Variants in C2orf42 observed in about 807,000 individuals in gnomAD.
The protein encoded by C2orf42 is uncharacterized protein C2orf42.
A neutral mutation model predicts 58.9 loss-of-function variants in C2orf42; 44 were observed. The ratio of observed to expected loss-of-function variants is 0.75; its 90% CI spans 0.59 to 0.96. The LOEUF (loss-of-function observed/expected upper bound fraction) is 0.96. C2orf42 is among the 40% of genes least tolerant of loss of function. The pLI is 0.00. For synonymous variants in C2orf42, 239 were observed against 265.4 expected (o/e 0.90, Z 0.97); for missense variants, 630 against 699.2 (o/e 0.90, Z 1.12).
At chr2:70,168,624 G>T (rs897679661) in intron 6 of C2orf42, among the ~76,000 whole-genome samples, 5 of 151,226 alleles carry the variant, frequency 3.3e-5, no homozygotes, top group African/African-American at 1.2e-4. Context: ...AGCAGAGACT[G>T]GCTAGATCTG....
chr2:70,169,245 C>T (rs1673624897), intron 6 of C2orf42, among the ~76,000 whole-genome samples: 1 of 125,416 alleles, frequency 8.0e-6, no homozygotes, highest in African/African-American at 3.8e-5. Flanking sequence ...GTATCTCCCT[C>T]ACCACACACA....
Position 70,150,467 on chromosome 2 carries a change from C to A in C2orf42, c.1614G>T (p.Lys538Asn), listed in dbSNP as rs769869234. 1 of 1,614,168 alleles carries A rather than the reference C, an allele frequency of 6.2e-7. No homozygotes were observed. Among genetic ancestry groups the A allele is most frequent in the South Asian group, 1.1e-5 (1 of 91,082 alleles). The change falls in exon 10 of 10, where the codon AAG (lysine) becomes AAT (asparagine). Residue 538 changes from lysine to asparagine, a missense_variant. By Grantham distance (94) the Lys-to-Asn change is moderately conservative. Coordinates refer to ENST00000264434, the MANE Select transcript of C2orf42 (RefSeq NM_017880.3). ...PQSKIGELRI[K>N]FEYGHHRNGH... ...CATTCCGGTGGTGGCCATACTCAAACTTGATCCGCAGCTCGCCAATCTTAG... is the reference window on the plus strand; with the variant it reads ...CATTCCGGTGGTGGCCATACTCAAAATTGATCCGCAGCTCGCCAATCTTAG...
intron 1 of C2orf42, among the ~76,000 whole-genome samples, chr2:70,189,445 C>T (rs1363676918): frequency 7.1e-6 from 1 of 140,810 alleles, no homozygotes. Flanking sequence ...GGGCCGGGCG[C>T]GGTGGCTCAC....
chr2:70,179,278 A>T (rs10192774), intron 4 of C2orf42, among the ~76,000 whole-genome samples: 2,310 of 152,100 alleles, frequency 0.015, 45 homozygotes, highest in African/African-American at 0.053. Context: ...CAAAAACATA[A>T]TATTTCTTGG....
chr2:70,172,868 A>T (rs1371489642), intron 5 of C2orf42, among the ~76,000 whole-genome samples: 3 of 151,988 alleles, frequency 2.0e-5, no homozygotes, highest in Non-Finnish European at 4.4e-5. Flanking sequence ...GTGACAAAAA[A>T]TTATTAAAAA....
intron 8 of C2orf42, among the ~76,000 whole-genome samples, chr2:70,162,920 T>C (rs1014771404): frequency 6.6e-6 from 1 of 152,100 alleles, no homozygotes; most frequent in Non-Finnish European, 1.5e-5. Flanking sequence ...CAGGCTGGAG[T>C]GCAATGGCGC....
intron 4 of C2orf42, among the ~76,000 whole-genome samples, chr2:70,176,539 G>C: frequency 6.6e-6 from 1 of 151,962 alleles, no homozygotes; most frequent in East Asian, 1.9e-4. Flanking sequence ...TGAAATTCAA[G>C]TTTAACTGAG....
Position 70,160,714 on chromosome 2 carries a change from A to C in C2orf42, c.1427T>G (p.Val476Gly). ...GTYELFKCPKVEVESIAETYG... is the reference protein window; with the variant it reads ...GTYELFKCPKGEVESIAETYG... Reference sequence around the variant, plus strand: ...GGTTTCTGCTATGCTTTCTACTTCCACTTTAGGGCATTTAAATAGCTCATA... The same window carrying C: ...GGTTTCTGCTATGCTTTCTACTTCCCCTTTAGGGCATTTAAATAGCTCATA... The change falls in exon 9 of 10, where the codon GTG becomes GGG. Residue 476 changes from valine (V) to glycine (G), a missense_variant. Physicochemically the swap from Val to Gly is moderately radical, Grantham distance 109. Coordinates refer to ENST00000264434, the MANE Select transcript of C2orf42 (RefSeq NM_017880.3). 6.2e-7 allele frequency: 1 copy of C among 1,612,730 alleles called. No individual in the cohort carries two copies. Among genetic ancestry groups the C allele is most frequent in the Non-Finnish European group, 8.5e-7 (1 of 1,179,208 alleles).
intron 4 of C2orf42, among the ~76,000 whole-genome samples, chr2:70,178,207 G>A (rs899296206): frequency 3.9e-5 from 6 of 152,136 alleles, no homozygotes; most frequent in African/African-American, 7.2e-5. Context: ...TTTTCATTTT[G>A]TTTAGACTCT....
chr2:70,188,325 T>C lies in C2orf42; in HGVS notation c.-282+2648A>G, dbSNP rs188164033. ...GCCTCAGCCTCCTGAGTAGCTGGGA[T>C]TACAGGCGTCCACCACCAAGCCCGG... is the stretch of plus-strand genomic sequence containing the variant. On this transcript the variant is annotated intron_variant, in intron 1 of 9. Transcript: ENST00000264434. Among the ~76,000 whole-genome samples, 1,243 of 151,990 alleles carry C rather than the reference T, an allele frequency of 8.2e-3. 9 individuals carry two copies. The highest frequency in any genetic ancestry group is 0.013 in the Non-Finnish European group (851 of 67,946).
chr2:70,174,361 T>A (rs1674045450), intron 5 of C2orf42, among the ~76,000 whole-genome samples: 1 of 152,074 alleles, frequency 6.6e-6, no homozygotes, highest in Non-Finnish European at 1.5e-5. Flanking sequence ...TTAAGGTAAT[T>A]GTACATTCAC....
At chr2:70,170,072 T>C (rs1673696518) in intron 5 of C2orf42, among the ~76,000 whole-genome samples, 1 of 151,710 alleles carries the variant, frequency 6.6e-6, no homozygotes, top group South Asian at 2.1e-4. Flanking sequence ...TTTTTATTTA[T>C]TGACAAGGCT....
In C2orf42 at chr2:70,181,596, T is replaced by G. The variant is rs763505710; in HGVS notation, c.390A>C (p.Glu130Asp). The G allele has an allele frequency of 1.2e-6, 2 of 1,613,988 alleles. No homozygotes were observed. Among genetic ancestry groups the G allele is most frequent in the Non-Finnish European group, 1.7e-6 (2 of 1,180,024 alleles). The change falls in exon 3 of 10, where the codon GAA becomes GAC. Residue 130 changes from glutamate (E) to aspartate (D), a missense_variant. Physicochemically the swap from Glu to Asp is conservative, Grantham distance 45 (BLOSUM62 2). Coordinates refer to ENST00000264434, the MANE Select transcript of C2orf42 (RefSeq NM_017880.3). The stretch of plus-strand genomic sequence containing the variant: ...CCAGCTTGATGTGCTGGCACTGGTT[T>G]TCCACAACGCCTTGAGTGGCAGCTT... ...CLKAATQGVV[E>D]NQCQHIKLAV... is the part of the protein sequence containing the mutation.
At chr2:70,173,467 G>A (rs909947563) in intron 5 of C2orf42, among the ~76,000 whole-genome samples, 4 of 151,792 alleles carry the variant, frequency 2.6e-5, no homozygotes, top group Admixed American at 6.6e-5. Flanking sequence ...AGTAGAGACA[G>A]GGTTTTACCA....
chr2:70,175,206 C>T (rs1674105775), intron 5 of C2orf42, among the ~76,000 whole-genome samples: 1 of 152,188 alleles, frequency 6.6e-6, no homozygotes, highest in African/African-American at 2.4e-5. Flanking sequence ...AAGTAATCCA[C>T]CTGGCTTGGC....
In C2orf42 at chr2:70,181,502, A is replaced by T. The variant is rs753778563; in HGVS notation, c.484T>A (p.Ser162Thr). Residue 162 changes from serine (S) to threonine (T), a missense_variant, in exon 3 of 10, where the codon TCC becomes ACC. Ser to Thr is a moderately conservative substitution (Grantham distance 58). Transcript: ENST00000264434. ...KSSVLNAMQA[S>T]PETKQTIWQL... is the part of the protein sequence containing the mutation. ...CAGATGGTCTGTTTGGTTTCCGGGG[A>T]GGCCTGCATTGCATTCAGGACCGAG... is the stretch of plus-strand genomic sequence containing the variant. The T allele has an allele frequency of 1.2e-6, 2 of 1,613,352 alleles. No homozygotes were observed. The highest frequency in any genetic ancestry group is 2.2e-5 in the South Asian group (2 of 91,056).
intron 8 of C2orf42, among the ~76,000 whole-genome samples, chr2:70,163,456 A>G (rs1385150411): frequency 1.3e-5 from 2 of 151,486 alleles, no homozygotes; most frequent in African/African-American, 4.8e-5. Context: ...TGTGTTAGCC[A>G]GGATGGTCTC....
Position 70,175,740 on chromosome 2 carries a change from T to C in C2orf42, c.972A>G (p.Ala324=). The change falls in exon 5 of 10, where the codon GCA becomes GCG. Residue 324 remains alanine, a synonymous_variant. Coordinates refer to ENST00000264434, the MANE Select transcript of C2orf42 (RefSeq NM_017880.3). ...QMNSSLLPQD[A]VSSNLRKSGL... is the part of the protein sequence containing the mutation. ...CACTTTTCCTTAGATTACTGCTCAC[T>C]GCATCTTGAGGCAGTAGTGAACTGT... 6.2e-7 allele frequency: 1 copy of C among 1,613,154 alleles called. No individual in the cohort carries two copies. The highest frequency in any genetic ancestry group is 8.5e-7 in the Non-Finnish European group (1 of 1,179,096).
intron 1 of C2orf42, among the ~76,000 whole-genome samples, chr2:70,189,960 G>A (rs1012260243): frequency 1.3e-5 from 2 of 151,622 alleles, no homozygotes; most frequent in Non-Finnish European, 2.9e-5. Context: ...AAAAAGACGA[G>A]AGATACACAT....
Sources: gnomAD v4.1 joint callset for allele counts (sites outside exome capture counted in the v4.1 genomes callset) on GRCh38, gnomAD v4.1.1 for gene constraint, MANE v1.5 for transcripts, NCBI Gene and HGNC (gene_info 2026-07-23, HGNC 2026-07-21) for gene names.